The following CCSER1 variants were observed in gnomAD, a reference collection of about 807,000 sequenced individuals.
The protein encoded by CCSER1 is serine-rich coiled-coil domain-containing protein 1.
A neutral mutation model predicts 82.0 loss-of-function variants in CCSER1; 41 were observed. The ratio of observed to expected loss-of-function variants is 0.50; its 90% confidence interval spans 0.39 to 0.65. The LOEUF is 0.65. Among genes scored for constraint, CCSER1 ranks in the 30% least tolerant of loss-of-function variants. The pLI, the probability that CCSER1 is intolerant of heterozygous loss-of-function variation, is 0.00. For synonymous variants in CCSER1, 414 were observed against 383.9 expected (o/e 1.08, Z -0.92); for missense variants, 1,119 against 1,064.2 (o/e 1.05, Z -0.72).
chr4:91,586,657 G>A (rs904241308), intron 10 of CCSER1, among the ~76,000 whole-genome samples: 8 of 151,744 alleles, frequency 5.3e-5, no homozygotes, highest in Non-Finnish European at 1.2e-4. Flanking sequence ...GTGGGATGAT[G>A]AACAAGGTAG....
At chr4:90,743,798 T>C (rs1270148864) in intron 7 of CCSER1, among the ~76,000 whole-genome samples, 1 of 152,196 alleles carries the variant, frequency 6.6e-6, no homozygotes, top group Non-Finnish European at 1.5e-5. Flanking sequence ...CCATGTCAGT[T>C]ACCACACCAT....
chr4:90,248,641 A>T (rs1425369307), intron 1 of CCSER1, among the ~76,000 whole-genome samples: 1 of 151,934 alleles, frequency 6.6e-6, no homozygotes, highest in Non-Finnish European at 1.5e-5. Context: ...GGTCTAGAGG[A>T]GGGTGGATTT....
chr4:91,176,860 A>T (rs1430613990), intron 10 of CCSER1, among the ~76,000 whole-genome samples: 2 of 152,180 alleles, frequency 1.3e-5, no homozygotes, highest in African/African-American at 4.8e-5. Flanking sequence ...CACTATGTTG[A>T]ATAGAAGTGG....
intron 6 of CCSER1, among the ~76,000 whole-genome samples, chr4:90,631,437 A>G (rs947592291): frequency 6.6e-6 from 1 of 152,172 alleles, no homozygotes; most frequent in Non-Finnish European, 1.5e-5. Flanking sequence ...CTTGTGAGCA[A>G]ATCAAGTTAT....
chr4:90,244,012 G>T (rs1437680052), intron 1 of CCSER1, among the ~76,000 whole-genome samples: 1 of 152,022 alleles, frequency 6.6e-6, no homozygotes, highest in Non-Finnish European at 1.5e-5. Flanking sequence ...TCACAATAGT[G>T]AATAATCCCT....
intron 8 of CCSER1, among the ~76,000 whole-genome samples, chr4:90,839,990 G>T (rs1227361986): frequency 6.6e-6 from 1 of 151,856 alleles, no homozygotes; most frequent in Non-Finnish European, 1.5e-5. Flanking sequence ...ATAATAATGT[G>T]ACTGTGTAAT....
At chr4:91,049,570 G>C (rs550934806) in intron 9 of CCSER1, among the ~76,000 whole-genome samples, 15 of 152,240 alleles carry the variant, frequency 9.9e-5, no homozygotes, top group African/African-American at 3.6e-4. Context: ...TGAGTGAAGA[G>C]CTAAACAAAA....
rs576450809 is a variant in CCSER1, at chr4:90,955,088, A to G, written c.2172+31641A>G. On this transcript the variant is annotated intron_variant, in intron 9 of 10. Coordinates refer to ENST00000509176, the MANE Select transcript of CCSER1 (RefSeq NM_001145065.2). ...ATATTTCTCATTAGCACTTGTTACC[A>G]TCGAACGTGTTCGTGTTCTATGTAT... Among the ~76,000 whole-genome samples the G allele has an allele frequency of 8.5e-5, 13 of 152,304 alleles. No homozygotes were observed. In the South Asian group the frequency reaches 2.3e-3, roughly 27 times the overall value.
chr4:90,300,133 A>C (rs1005382138), intron 1 of CCSER1, among the ~76,000 whole-genome samples: 1 of 152,166 alleles, frequency 6.6e-6, no homozygotes, highest in Non-Finnish European at 1.5e-5. Flanking sequence ...AAACACTTCA[A>C]GTATTGATAA....
intron 10 of CCSER1, among the ~76,000 whole-genome samples, chr4:91,127,617 A>G (rs1371446232): frequency 6.6e-6 from 1 of 152,076 alleles, no homozygotes; most frequent in African/African-American, 2.4e-5. Context: ...AAAAAATACA[A>G]GAGAAATGTC....
chr4:91,571,214 C>A (rs906581887), intron 10 of CCSER1, among the ~76,000 whole-genome samples: 3 of 152,210 alleles, frequency 2.0e-5, no homozygotes, highest in Non-Finnish European at 4.4e-5. Context: ...CTTCTGAGCC[C>A]TCCAACTTTC....
intron 10 of CCSER1, among the ~76,000 whole-genome samples, chr4:91,292,323 A>G (rs1319867088): frequency 6.6e-6 from 1 of 152,056 alleles, no homozygotes. Context: ...TCTTGTTTGA[A>G]TAAGCTTTGT....
intron 1 of CCSER1, among the ~76,000 whole-genome samples, chr4:90,289,735 A>G (rs900634632): frequency 6.6e-6 from 1 of 151,916 alleles, no homozygotes; most frequent in Non-Finnish European, 1.5e-5. Flanking sequence ...ACTAAATTAA[A>G]AAGGTTAAAA....
intron 3 of CCSER1, among the ~76,000 whole-genome samples, chr4:90,335,031 C>T (rs1740121044): frequency 6.6e-6 from 1 of 152,094 alleles, no homozygotes; most frequent in African/African-American, 2.4e-5. Flanking sequence ...GTGGATGTGA[C>T]TATAGGGATT....
Position 91,409,335 on chromosome 4 carries a change from C to G in CCSER1, c.2218-189237C>G, listed in dbSNP as rs544548160. ...TTTAGTATCTTATAACCTTGATTTA[C>G]ATATTTTTGCTGTTCTATTTATCAC... On this transcript the variant is annotated intron_variant, in intron 10 of 10. Coordinates refer to ENST00000509176, the MANE Select transcript of CCSER1 (RefSeq NM_001145065.2). Among the ~76,000 whole-genome samples the G allele has an allele frequency of 1.4e-4, 21 of 152,212 alleles. 1 individual carries two copies. The South Asian group carries it at 4.4e-3, about 32-fold the overall frequency.
At chr4:91,234,036 T>G (rs1233878662) in intron 10 of CCSER1, among the ~76,000 whole-genome samples, 1 of 151,984 alleles carries the variant, frequency 6.6e-6, no homozygotes, top group Non-Finnish European at 1.5e-5. Context: ...TAAAAAAGTA[T>G]TTCCCAACAG....
At chr4:90,872,061 G>A (rs1409614994) in intron 8 of CCSER1, among the ~76,000 whole-genome samples, 2 of 151,406 alleles carry the variant, frequency 1.3e-5, no homozygotes, top group African/African-American at 2.4e-5. Flanking sequence ...GTGTGTTTAT[G>A]GGTGAAGTTT....
intron 8 of CCSER1, among the ~76,000 whole-genome samples, chr4:90,912,808 T>C (rs1726626015): frequency 6.6e-6 from 1 of 152,086 alleles, no homozygotes; most frequent in African/African-American, 2.4e-5. Flanking sequence ...CTGATGGAGA[T>C]GAAAACCATG....
At chr4:91,538,698 C>CATATATTATATATATATATAATAT in intron 10 of CCSER1, among the ~76,000 whole-genome samples, 2,188 of 138,300 alleles carry the variant, frequency 0.016, 71 homozygotes, top group African/African-American at 0.057. Context: ...TATATATACA[C>CATATATTATATATATATATAATAT]ATATATATAT....
Sources: allele counts gnomAD v4.1 joint callset (sites outside exome capture counted in the v4.1 genomes callset), GRCh38; gene constraint gnomAD v4.1.1; transcripts MANE v1.5; gene names NCBI Gene and HGNC (gene_info 2026-07-23, HGNC 2026-07-21).